The following BABAM2 variants were observed in gnomAD, a reference collection of about 807,000 sequenced individuals.
BABAM2 encodes BRISC and BRCA1-A complex member 2.
In BABAM2, 31 loss-of-function variants were observed where a neutral mutation model predicts 54.7. The ratio of observed to expected loss-of-function variants is 0.57; its 90% CI spans 0.43 to 0.77. The LOEUF (loss-of-function observed/expected upper bound fraction) is 0.77. Among genes scored for constraint, BABAM2 ranks in the 30% least tolerant of loss-of-function variants. BABAM2 has a pLI of 0.00. For missense variants in BABAM2, 364 were observed against 455.8 expected (o/e 0.80, Z 1.83); for synonymous variants, 167 against 162.9 (o/e 1.03, Z -0.19).
At chr2:28,334,959 T>C (rs1355790700) in intron 11 of BABAM2, among the ~76,000 whole-genome samples, 1 of 152,078 alleles carries the variant, frequency 6.6e-6, no homozygotes, top group Non-Finnish European at 1.5e-5. Context: ...GATAAGGGCT[T>C]TGAGGTCCTG....
intron 6 of BABAM2, among the ~76,000 whole-genome samples, chr2:28,128,363 A>C (rs930926592): frequency 1.3e-5 from 2 of 152,272 alleles, no homozygotes; most frequent in African/African-American, 4.8e-5. Flanking sequence ...TGGTATTCAC[A>C]AATTAAAATC....
At chr2:27,997,792 T>G (rs1334922009) in intron 4 of BABAM2, among the ~76,000 whole-genome samples, 2 of 152,218 alleles carry the variant, frequency 1.3e-5, no homozygotes, top group African/African-American at 2.4e-5. Flanking sequence ...TTTACTCTAT[T>G]GAATTTGTAA....
chr2:27,942,534 A>ATTT (rs544430660), intron 3 of BABAM2, among the ~76,000 whole-genome samples: 1 of 136,032 alleles, frequency 7.4e-6, no homozygotes, highest in Non-Finnish European at 1.6e-5. Context: ...TAATTTTTGC[A>ATTT]TTTTTTTTTT....
chr2:28,287,935 G>A (rs1686960731), intron 10 of BABAM2, among the ~76,000 whole-genome samples: 1 of 152,124 alleles, frequency 6.6e-6, no homozygotes, highest in Non-Finnish European at 1.5e-5. Context: ...TGATGGATGA[G>A]GGAGTGGATG....
chr2:28,063,694 T>C lies in BABAM2; in HGVS notation c.570+17895T>C, dbSNP rs1019017490. 2.0e-5 allele frequency among the ~76,000 whole-genome samples: 3 copies of C among 152,350 alleles called. No individual in the cohort carries two copies. In the East Asian group the frequency reaches 5.8e-4, roughly 29 times the overall value. On this transcript the variant is annotated intron_variant, in intron 6 of 11. Transcript: ENST00000379624. ...GATTTTTGGTTTTGGTCCTTGAGGT[T>C]TGAGAAACTATTTTGGCTCCAGCTC...
intron 4 of BABAM2, among the ~76,000 whole-genome samples, chr2:27,998,890 A>G (rs1476548569): frequency 6.6e-6 from 1 of 152,216 alleles, no homozygotes; most frequent in East Asian, 1.9e-4. Flanking sequence ...TAGCTAATAT[A>G]TGTATAGCAT....
At chr2:28,141,257 A>T (rs1671029556) in intron 7 of BABAM2, among the ~76,000 whole-genome samples, 1 of 152,168 alleles carries the variant, frequency 6.6e-6, no homozygotes, top group Non-Finnish European at 1.5e-5. Context: ...TCAGTCTTCA[A>T]ATAATGCTTG....
At chr2:28,040,185 C>G (rs1032546206) in intron 5 of BABAM2, among the ~76,000 whole-genome samples, 11 of 150,482 alleles carry the variant, frequency 7.3e-5, no homozygotes, top group Admixed American at 6.6e-5. Context: ...CAGTTTATAA[C>G]TTAATTTTAC....
At chr2:28,243,670 GC>G (rs1682655885) in intron 9 of BABAM2, among the ~76,000 whole-genome samples, 1 of 151,992 alleles carries the variant, frequency 6.6e-6, no homozygotes, top group African/African-American at 2.4e-5. Context: ...TCGCACCACT[GC>G]ACTCCAGCTT....
chr2:28,324,320 C>T (rs6749706), intron 11 of BABAM2, among the ~76,000 whole-genome samples: 4,246 of 152,186 alleles, frequency 0.028, 140 homozygotes, highest in African/African-American at 0.07. Context: ...TGATTCACCA[C>T]GATATAGCAG....
chr2:28,029,562 T>C (rs1010254847), intron 5 of BABAM2, among the ~76,000 whole-genome samples: 8 of 152,270 alleles, frequency 5.3e-5, no homozygotes, highest in African/African-American at 1.9e-4. Context: ...TAGTGTTCAA[T>C]TGAGTGTATT....
intron 10 of BABAM2, among the ~76,000 whole-genome samples, chr2:28,268,349 G>GA (rs1239331365): frequency 6.6e-6 from 1 of 152,162 alleles, no homozygotes; most frequent in Non-Finnish European, 1.5e-5. Context: ...TTAGGACAGT[G>GA]ATTATCTCTG....
chr2:28,258,333 A>G (rs544571760), intron 10 of BABAM2, among the ~76,000 whole-genome samples: 2 of 152,322 alleles, frequency 1.3e-5, no homozygotes, highest in East Asian at 3.9e-4. Context: ...CACGTATTTT[A>G]ACTCAGTAAT....
At chr2:27,977,858 G>A (rs1313354694) in intron 3 of BABAM2, among the ~76,000 whole-genome samples, 2 of 152,128 alleles carry the variant, frequency 1.3e-5, no homozygotes, top group African/African-American at 4.8e-5. Flanking sequence ...GATAGGTCAC[G>A]AGAACTGCCT....
At chr2:28,027,428 A>G (rs1221654940) in intron 5 of BABAM2, among the ~76,000 whole-genome samples, 1 of 152,198 alleles carries the variant, frequency 6.6e-6, no homozygotes, top group Admixed American at 6.5e-5. Context: ...GAATGGTTCC[A>G]TCACCCCAGT....
chr2:28,031,379 C>CT (rs977433438), intron 5 of BABAM2, among the ~76,000 whole-genome samples: 5 of 152,218 alleles, frequency 3.3e-5, no homozygotes, highest in Non-Finnish European at 2.9e-5. Context: ...GTATGCATTT[C>CT]TTTTTTCTGC....
upstream of BABAM2, chr2:27,890,495 C>A (rs747173924): frequency 2.3e-5 from 15 of 660,364 alleles, no homozygotes; most frequent in Non-Finnish European, 3.2e-5. The surrounding 1 kb of genome is among the most constrained non-coding windows in gnomAD (Gnocchi z 4.8). Context: ...AATCACCCCG[C>A]CCACCAAGTG....
At chr2:28,300,286 G>A (rs184787778) in intron 11 of BABAM2, among the ~76,000 whole-genome samples, 2 of 152,088 alleles carry the variant, frequency 1.3e-5, no homozygotes, top group Non-Finnish European at 2.9e-5. Flanking sequence ...AAACCAGACT[G>A]CCTCAGATTT....
At chr2:28,302,079 A>G (rs1572376625) in intron 11 of BABAM2, among the ~76,000 whole-genome samples, 2 of 152,306 alleles carry the variant, frequency 1.3e-5, no homozygotes, top group East Asian at 3.9e-4. Context: ...TGTCTGACAC[A>G]ATGAAATTTA....
Sources: gnomAD v4.1 joint callset for allele counts (sites outside exome capture counted in the v4.1 genomes callset) on GRCh38, gnomAD v4.1.1 for gene constraint, Gnocchi (gnomAD v3.1) non-coding constraint, MANE v1.5 for transcripts, NCBI Gene and HGNC (gene_info 2026-07-23, HGNC 2026-07-21) for gene names.